Variants in PTP4A3 observed in about 807,000 individuals in gnomAD.
PTP4A3 encodes the protein protein tyrosine phosphatase 4A3, also known as protein tyrosine phosphatase type IVA 3.
A neutral mutation model predicts 15.2 loss-of-function variants in PTP4A3; 9 were observed. That is an observed-to-expected ratio of 0.59 (90% CI 0.36 to 1.03). The LOEUF (loss-of-function observed/expected upper bound fraction) is 1.03. Ranked by LOEUF, PTP4A3 falls within the 50% of genes least tolerant of loss-of-function variation. PTP4A3 has a pLI of 0.02. For missense variants in PTP4A3, 234 were observed against 252.1 expected, an observed-to-expected ratio of 0.93 and a Z score of 0.49; for synonymous variants, 95 against 102.0, an observed-to-expected ratio of 0.93 and a Z score of 0.41.
chr8:141,410,646 C>G (rs111646894), intron 1 of PTP4A3, among the ~76,000 whole-genome samples: 7,804 of 152,300 alleles, frequency 0.051, 313 homozygotes, highest in Non-Finnish European at 0.078. Flanking sequence ...TTCCAGCGAA[C>G]CCATCCTACA....
At chr8:141,412,951 TC>T (rs34982050) in intron 1 of PTP4A3, among the ~76,000 whole-genome samples, 1 of 152,176 alleles carries the variant, frequency 6.6e-6, no homozygotes, top group African/African-American at 2.4e-5. Flanking sequence ...CTCATGCCCT[TC>T]CCCTGTTGTG....
intron 1 of PTP4A3, among the ~76,000 whole-genome samples, chr8:141,419,360 T>C (rs1311452966): frequency 6.6e-6 from 1 of 152,210 alleles, no homozygotes; most frequent in African/African-American, 2.4e-5. Context: ...TCTGTAAACA[T>C]GAGCTCGGCT....
rs11784436 is a variant in PTP4A3 at position 141,396,494 on chromosome 8, G to A, written c.-854+4410G>A. ...TATGGAATCTGGCCCCGGGCAGCCC[G>A]TCCAGCATTCCTCTCTCACCGAGCC... On this transcript the variant is annotated intron_variant, in intron 1 of 5. Transcript: ENST00000521578. 6.6e-3 allele frequency among the ~76,000 whole-genome samples: 1,009 copies of A among 152,258 alleles called. 10 individuals are homozygous for A. Among genetic ancestry groups the A allele is most frequent in the Admixed American group, 0.025 (390 of 15,300 alleles).
chr8:141,398,012 G>A (rs1016718192), intron 1 of PTP4A3, among the ~76,000 whole-genome samples: 4 of 152,344 alleles, frequency 2.6e-5, no homozygotes, highest in Admixed American at 1.3e-4. Context: ...GGAGGGAGGC[G>A]TCTGCCTGAG....
intron 1 of PTP4A3, among the ~76,000 whole-genome samples, chr8:141,419,304 G>C (rs1833210330): frequency 6.6e-6 from 1 of 152,206 alleles, no homozygotes; most frequent in African/African-American, 2.4e-5. Flanking sequence ...GCCCCTCAGG[G>C]AGAGGCCCAA....
chr8:141,410,776 G>C (rs1832848776), intron 1 of PTP4A3, among the ~76,000 whole-genome samples: 1 of 152,214 alleles, frequency 6.6e-6, no homozygotes, highest in Non-Finnish European at 1.5e-5. Flanking sequence ...GGGGAGCCAG[G>C]AGGGGAACCA....
chr8:141,414,415 G>A (rs1832959727), intron 1 of PTP4A3, among the ~76,000 whole-genome samples: 1 of 152,122 alleles, frequency 6.6e-6, no homozygotes, highest in Admixed American at 6.5e-5. Flanking sequence ...AAGGTGGCTG[G>A]GGCAGGGGAG....
In PTP4A3 at chr8:141,431,189, C is replaced by T. The variant is rs976466392; in HGVS notation, c.*145C>T. On this transcript the variant is annotated 3_prime_UTR_variant, in exon 6 of 6. Transcript: ENST00000521578. ...ATCGCCTTTTCCTCCCCGACACCTC[C>T]GTGCACTTGTGTCCGAGGAGCGAGG... 5.0e-5 allele frequency: 37 copies of T among 740,110 alleles called. No homozygotes were observed. Among genetic ancestry groups the T allele is most frequent in the Non-Finnish European group, 7.2e-5 (32 of 441,854 alleles). The allele number at this position is 740,110 out of a possible 1,614,324, so 45.8% of individuals were successfully genotyped here. A position where few individuals can be genotyped will look rare whatever the true frequency, so the allele number is the denominator to read the frequency against.
chr8:141,401,805 C>G (rs536858181), intron 1 of PTP4A3, among the ~76,000 whole-genome samples: 1 of 152,162 alleles, frequency 6.6e-6, no homozygotes, highest in Non-Finnish European at 1.5e-5. Flanking sequence ...CACTGGAGCA[C>G]GTGGGCCGGA....
chr8:141,424,565 T>G (rs1287356778), intron 2 of PTP4A3, among the ~76,000 whole-genome samples: 1 of 152,104 alleles, frequency 6.6e-6, no homozygotes, highest in East Asian at 1.9e-4. Flanking sequence ...GTTCCTGCTG[T>G]GGGGACCCAG....
At chr8:141,426,360 C>T (rs371485724) in intron 3 of PTP4A3, 1 of 874,728 alleles carries the variant, frequency 1.1e-6, no homozygotes, top group Non-Finnish European at 1.4e-6. Context: ...TCTTCCAAGA[C>T]CAAATTAACC....
chr8:141,422,312 C>A lies in PTP4A3; in HGVS notation c.72C>A (p.Asn24Lys). 1 of 1,613,498 alleles carries A rather than the reference C, an allele frequency of 6.2e-7. No individual in the cohort carries two copies. Residue 24 changes from asparagine to lysine, a missense_variant, in exon 2 of 6, where the codon AAC (asparagine) becomes AAA (lysine). Transcript: ENST00000521578. ...YKHMRFLITH[N>K]PTNATLSTFI... ...ACATGCGCTTCCTCATCACCCACAA[C>A]CCCACCAACGCCACGCTCAGCACCT... is the stretch of plus-strand genomic sequence containing the variant.
chr8:141,430,510 G>T lies in PTP4A3; in HGVS notation c.405-417G>T, dbSNP rs114417144. 3.7e-3 allele frequency among the ~76,000 whole-genome samples: 570 copies of T among 152,318 alleles called. 4 individuals are homozygous for T. Among genetic ancestry groups the T allele is most frequent in the African/African-American group, 0.013 (542 of 41,552 alleles). On this transcript the variant is annotated intron_variant, in intron 5 of 5. Transcript: ENST00000521578. Reference sequence around the variant, plus strand: ...TGAGCATGCAGCCCAGGTCCCTGTTGTAAGGGAAGGTCGCGCAGCTGGGCT... The same window carrying T: ...TGAGCATGCAGCCCAGGTCCCTGTTTTAAGGGAAGGTCGCGCAGCTGGGCT...
intron 1 of PTP4A3, among the ~76,000 whole-genome samples, chr8:141,394,153 C>T (rs978139701): frequency 2.6e-5 from 4 of 152,168 alleles, no homozygotes; most frequent in African/African-American, 7.2e-5. Flanking sequence ...ATCCAGATGG[C>T]GGTGATACAG....
At position 141,422,169 on chromosome 8, in the gene PTP4A3, G is replaced by C; in HGVS notation, c.-72G>C. 1 of 1,455,976 alleles carries C rather than the reference G, an allele frequency of 6.9e-7. No homozygotes were observed. The highest frequency in any genetic ancestry group is 9.6e-7 in the Non-Finnish European group (1 of 1,043,488). 90.2% of individuals were successfully genotyped at this position (1,455,976 alleles called of 1,614,324 possible). ...TCTCCTCATTTTTTGGGGGTGTGTG[G>C]GGACTTCTCAGGTCGTGTCCCCAGC... On this transcript the variant is annotated 5_prime_UTR_variant, in exon 2 of 6. Coordinates refer to ENST00000521578, the MANE Select transcript of PTP4A3 (RefSeq NM_032611.3).
chr8:141,395,069 T>G (rs1832408270), intron 1 of PTP4A3, among the ~76,000 whole-genome samples: 1 of 152,194 alleles, frequency 6.6e-6, no homozygotes, highest in Non-Finnish European at 1.5e-5. Context: ...TGGAGGGTCC[T>G]GGCAGCTACC....
chr8:141,406,133 C>T lies in PTP4A3; in HGVS notation c.-854+14049C>T, dbSNP rs1426286956. Reference sequence around the variant, plus strand: ...ACTGGTGGGGGCAGTGGTGGGGATACCCAGGATGCCAGATGGGTATCCCAG... The same window carrying T: ...ACTGGTGGGGGCAGTGGTGGGGATATCCAGGATGCCAGATGGGTATCCCAG... On this transcript the variant is annotated intron_variant, in intron 1 of 5. Transcript: ENST00000521578. This position sits in a 1 kb window ranked among gnomAD's most constrained non-coding sequence, Gnocchi z 4.5. 6.6e-6 allele frequency among the ~76,000 whole-genome samples: 1 copy of T among 152,108 alleles called. No individual in the cohort carries two copies. The highest frequency in any genetic ancestry group is 2.4e-5 in the African/African-American group (1 of 41,412).
intron 1 of PTP4A3, among the ~76,000 whole-genome samples, chr8:141,417,690 G>T (rs1365409230): frequency 6.6e-6 from 1 of 152,030 alleles, no homozygotes. Flanking sequence ...GGGGTCCCGG[G>T]CGGCAGCGCC....
At position 141,410,230 on chromosome 8, in the gene PTP4A3, C is replaced by T. The variant is rs570483070; in HGVS notation, c.-853-11158C>T. On this transcript the variant is annotated intron_variant, in intron 1 of 5. Transcript: ENST00000521578. ...CAGACGGGCAGGAGTCGGGAGGCCC[C>T]GGCCCCCAGGCTCCCAGCCAGACTG... is the stretch of plus-strand genomic sequence containing the variant. Among the ~76,000 whole-genome samples, 111 of 152,356 alleles carry T rather than the reference C, an allele frequency of 7.3e-4. 1 individual carries two copies. Among genetic ancestry groups the T allele is most frequent in the African/African-American group, 2.5e-3 (103 of 41,586 alleles).
Sources: gnomAD v4.1 joint callset for allele counts (sites outside exome capture counted in the v4.1 genomes callset) on GRCh38, gnomAD v4.1.1 for gene constraint, Gnocchi (gnomAD v3.1) non-coding constraint, MANE v1.5 for transcripts, NCBI Gene and HGNC (gene_info 2026-07-23, HGNC 2026-07-21) for gene names.